Variants in SPRTN observed in about 807,000 individuals in gnomAD.
SPRTN encodes DNA-dependent metalloprotease SPRTN.
In SPRTN, 11 loss-of-function variants were observed where a neutral mutation model predicts 31.9. The observed-to-expected ratio is 0.34, with a 90% confidence interval of 0.22 to 0.57. SPRTN has a LOEUF of 0.57. SPRTN is among the 20% of genes least tolerant of loss of function. The pLI is 0.86. For synonymous variants in SPRTN, 185 were observed against 212.1 expected, an observed-to-expected ratio of 0.87 and a Z score of 1.11; for missense variants, 482 against 590.1, an observed-to-expected ratio of 0.82 and a Z score of 1.90.
In SPRTN at chr1:231,343,208, G is replaced by T. The variant is rs145787771; in HGVS notation, c.321+3340G>T. 7.3e-3 allele frequency among the ~76,000 whole-genome samples: 1,110 copies of T among 151,984 alleles called. 8 individuals carry two copies. The highest frequency in any genetic ancestry group is 0.011 in the South Asian group (52 of 4,822). On this transcript the variant is annotated intron_variant, in intron 2 of 4. Transcript: ENST00000295050. ...CTAGGTATATATACTCTATAGCCTA[G>T]GTATATACACTCTATAGCCTAGGTA...
chr1:231,344,166 A>G (rs1294645254), intron 2 of SPRTN, among the ~76,000 whole-genome samples: 1 of 152,222 alleles, frequency 6.6e-6, no homozygotes, highest in East Asian at 1.9e-4. Flanking sequence ...AATTTAGAAC[A>G]TTGAGAAACT....
Position 231,353,351 on chromosome 1 carries a change from A to G in SPRTN, c.1460A>G (p.Glu487Gly), listed in dbSNP as rs149065971. 1.9e-6 allele frequency: 3 copies of G among 1,578,108 alleles called. No homozygotes were observed. Among genetic ancestry groups the G allele is most frequent in the Admixed American group, 3.9e-5 (2 of 51,558 alleles). The change falls in exon 5 of 5, where the codon GAA becomes GGA. Residue 487 changes from glutamate to glycine, a missense_variant. Glu to Gly is a moderately conservative substitution (Grantham distance 98, BLOSUM62 -2). Around this residue, in one of 2 missense-constraint regions of SPRTN, gnomAD observed 325 missense variants for 350.2 expected, o/e 0.93. Coordinates refer to ENST00000295050, the MANE Select transcript of SPRTN (RefSeq NM_032018.7). Reference protein sequence around the residue: ...EGDSIKVKSEESL With the variant: ...EGDSIKVKSEGSL ...GACAGCATCAAAGTCAAAAGCGAAG[A>G]AAGTCTTTGAAAAAGGTTTCAAAGT...
chr1:231,346,440 C>G (rs1009833875), intron 2 of SPRTN, among the ~76,000 whole-genome samples: 1 of 150,500 alleles, frequency 6.6e-6, no homozygotes, highest in Non-Finnish European at 1.5e-5. Flanking sequence ...GTCCTGACCT[C>G]GTGATCCGGA....
intron 2 of SPRTN, among the ~76,000 whole-genome samples, chr1:231,340,323 C>G (rs759943647): frequency 6.6e-6 from 1 of 151,964 alleles, no homozygotes; most frequent in South Asian, 2.1e-4. Flanking sequence ...GCCGAGATCG[C>G]GCCACTGCAC....
chr1:231,346,995 G>C (rs1687082363), intron 2 of SPRTN, among the ~76,000 whole-genome samples: 1 of 152,038 alleles, frequency 6.6e-6, no homozygotes, highest in African/African-American at 2.4e-5. Flanking sequence ...GATTTTTCTG[G>C]ATTTTGATAT....
chr1:231,351,068 A>G (rs777893228), intron 3 of SPRTN, among the ~76,000 whole-genome samples: 1 of 151,994 alleles, frequency 6.6e-6, no homozygotes, highest in African/African-American at 2.4e-5. Flanking sequence ...TCCCATGTGC[A>G]TCTATCTTTA....
In SPRTN at chr1:231,353,015, C is replaced by G. The variant is rs1464276567; in HGVS notation, c.1124C>G (p.Ser375Cys). 2.5e-6 allele frequency: 4 copies of G among 1,614,008 alleles called. No individual in the cohort carries two copies. In the Admixed American group the frequency reaches 6.7e-5, roughly 27 times the overall value. Residue 375 changes from serine to cysteine, a missense_variant, in exon 5 of 5, where the codon TCT becomes TGT. By Grantham distance (112) the Ser-to-Cys change is moderately radical. Coordinates refer to ENST00000295050, the MANE Select transcript of SPRTN (RefSeq NM_032018.7). The stretch of plus-strand genomic sequence containing the variant: ...AGTTCTCAGAGAAGGGTTTCATCTT[C>G]TAAGATATCCCTAAGAAATTCTTCA... ...SSSSQRRVSSSKISLRNSSKV... is the reference protein window; with the variant it reads ...SSSSQRRVSSCKISLRNSSKV...
At chr1:231,346,680 C>T (rs906810764) in intron 2 of SPRTN, among the ~76,000 whole-genome samples, 37 of 152,174 alleles carry the variant, frequency 2.4e-4, no homozygotes, top group Admixed American at 6.5e-4. Flanking sequence ...CAGTGGCTGA[C>T]GCCTATAATC....
intron 4 of SPRTN, chr1:231,352,364 T>G (rs1687264833): frequency 1.7e-6 from 2 of 1,177,748 alleles, no homozygotes; most frequent in Admixed American, 8.2e-5. Context: ...GTTGTTGGTC[T>G]TTGGCATGAT....
intron 2 of SPRTN, among the ~76,000 whole-genome samples, chr1:231,342,785 G>C (rs1391750465): frequency 1.3e-5 from 2 of 151,188 alleles, no homozygotes; most frequent in African/African-American, 2.4e-5. Context: ...GCCCAGGCTG[G>C]AGTACAGTGG....
chr1:231,348,025 T>C lies in SPRTN; in HGVS notation c.450+100T>C, dbSNP rs1403128449. 13 of 1,493,880 alleles carry C rather than the reference T, an allele frequency of 8.7e-6. No individual in the cohort carries two copies. In the South Asian group the frequency reaches 1.5e-4, roughly 17 times the overall value. The allele number at this position is 1,493,880 out of a possible 1,614,324, so 92.5% of individuals were successfully genotyped here. ...GAGAACTAGGTAGAAACAAGTATCTTTGAGGATTTTCCACAGCGAACGAGA... is the reference window on the plus strand; with the variant it reads ...GAGAACTAGGTAGAAACAAGTATCTCTGAGGATTTTCCACAGCGAACGAGA... On this transcript the variant is annotated intron_variant, in intron 3 of 4. Coordinates refer to ENST00000295050, the MANE Select transcript of SPRTN (RefSeq NM_032018.7).
At chr1:231,352,554 T>G (rs1687269739) in intron 4 of SPRTN, 56 bp from the exon 5 acceptor site, 6 of 1,523,326 alleles carry the variant, frequency 3.9e-6, no homozygotes, top group Non-Finnish European at 5.3e-6. Context: ...TGTTTGTTAC[T>G]GTATTTCTTT....
intron 2 of SPRTN, 188 bp downstream of exon 2, chr1:231,340,056 A>AAC (rs1553343415): frequency 3.6e-5 from 18 of 501,348 alleles, no homozygotes; most frequent in Admixed American, 1.5e-4. Flanking sequence ...GTAAAAAAAA[A>AAC]AAAAACAAAA....
chr1:231,338,790 GA>G (rs1686770802), intron 1 of SPRTN, among the ~76,000 whole-genome samples, 186 bp downstream of exon 1: 1 of 152,124 alleles, frequency 6.6e-6, no homozygotes. Flanking sequence ...TCTCCCACTC[GA>G]ACAATAAGAA....
In SPRTN at chr1:231,353,701, A is replaced by G; in HGVS notation, c.*340A>G. The G allele has an allele frequency of 3.0e-6, 3 of 995,072 alleles. No homozygotes were observed. The highest frequency in any genetic ancestry group is 3.6e-6 in the Non-Finnish European group (3 of 831,276). 61.6% of individuals were successfully genotyped at this position (995,072 alleles called of 1,614,324 possible). A position where few individuals can be genotyped will look rare whatever the true frequency, so the allele number is the denominator to read the frequency against. ...CTTTCCTAAAAATATTCATATGGGG[A>G]ATCCTGTCAGGTGTTTGGTTATATT... On this transcript the variant is annotated 3_prime_UTR_variant, in exon 5 of 5. Transcript: ENST00000295050.
chr1:231,338,389 T>A lies in SPRTN; in HGVS notation c.6T>A (p.Asp2Glu). M[D>E]DDLMLALRLQ... Reference sequence around the variant, plus strand: ...CGCCTGTGATCCTGGCAACGATGGATGATGACTTGATGTTGGCACTGCGGC... The same window carrying A: ...CGCCTGTGATCCTGGCAACGATGGAAGATGACTTGATGTTGGCACTGCGGC... The change falls in exon 1 of 5, where the codon GAT becomes GAA. Residue 2 changes from aspartate (D) to glutamate (E), a missense_variant. Asp to Glu is a conservative substitution (Grantham distance 45). Transcript: ENST00000295050. 1 of 1,614,080 alleles carries A rather than the reference T, an allele frequency of 6.2e-7. No homozygotes were observed. Among genetic ancestry groups the A allele is most frequent in the African/African-American group, 1.3e-5 (1 of 75,078 alleles).
chr1:231,351,227 A>T, intron 3 of SPRTN, 77 bp from the exon 4 acceptor site: 6 of 1,225,716 alleles, frequency 4.9e-6, no homozygotes, highest in South Asian at 3.4e-5. Context: ...AAAAAAAAAA[A>T]AAGACTGCTT....
At chr1:231,346,055 T>G (rs888803862) in intron 2 of SPRTN, among the ~76,000 whole-genome samples, 3 of 151,984 alleles carry the variant, frequency 2.0e-5, no homozygotes, top group Admixed American at 1.3e-4. Flanking sequence ...CCTCGAGCAA[T>G]CCTCCCACCT....
In SPRTN at chr1:231,354,101, TG is replaced by T; in HGVS notation, c.*741del. 1 of 985,152 alleles carries T rather than the reference TG, an allele frequency of 1.0e-6. No individual in the cohort carries two copies. Among genetic ancestry groups the T allele is most frequent in the Non-Finnish European group, 1.2e-6 (1 of 829,642 alleles). The allele number at this position is 985,152 out of a possible 1,614,324, so 61.0% of individuals were successfully genotyped here. ...AAATTTAGCAGAGTGGTTAAAATTC[TG>T]TGCTGATAAGTAACTGATACATATA... is the stretch of plus-strand genomic sequence containing the variant. On this transcript the variant is annotated 3_prime_UTR_variant, in exon 5 of 5. Transcript: ENST00000295050.
Sources: allele counts gnomAD v4.1 joint callset (sites outside exome capture counted in the v4.1 genomes callset), GRCh38; gene constraint gnomAD v4.1.1; regional missense constraint gnomAD v4.1.1; transcripts MANE v1.5; gene names NCBI Gene and HGNC (gene_info 2026-07-23, HGNC 2026-07-21).